PLEC: variants seen among roughly 807,000 people sequenced by gnomAD.
PLEC encodes the protein plectin.
PLEC carries 216 observed loss-of-function variants against 392.8 expected under a neutral mutation model. The ratio of observed to expected loss-of-function variants is 0.55; its 90% CI spans 0.49 to 0.62. The LOEUF is 0.62. Among genes scored for constraint, PLEC ranks in the 20% least tolerant of loss-of-function variants. PLEC has a pLI of 0.00. For synonymous variants in PLEC, 3,621 were observed against 2,980.6 expected (o/e 1.21, Z -7.00); for missense variants, 6,863 against 6,563.4 (o/e 1.05, Z -1.58).
intron 30 of PLEC, among the ~76,000 whole-genome samples, chr8:143,926,354 G>C (rs1554705268): frequency 2.0e-5 from 3 of 152,210 alleles, no homozygotes; most frequent in African/African-American, 7.2e-5. Context: ...AGCCAACTCG[G>C]AAGAGGATTC....
intron 1 of PLEC, chr8:143,944,636 C>G: frequency 7.5e-7 from 1 of 1,340,656 alleles, no homozygotes; most frequent in Non-Finnish European, 9.7e-7. Flanking sequence ...CTTTCAAGGG[C>G]TGCCCACCTA....
In PLEC at chr8:143,939,417, G is replaced by C. The variant is rs573469923; in HGVS notation, c.45C>G (p.Gly15=). 5.6e-6 allele frequency: 9 copies of C among 1,612,678 alleles called. No homozygotes were observed. The highest frequency in any genetic ancestry group is 1.7e-4 in the Middle Eastern group (1 of 6,036). ...TGTCCTCCGAGCTGGTTCTCTTTCG[G>C]CCCAGGCCCTCGGGCTGCGGCACGC... The part of the protein sequence containing the change: ...QLRVPQPEGL[G]RKRTSSEDNL... Residue 15 remains glycine, a synonymous_variant, in exon 1 of 32, where the codon GGC becomes GGG. Transcript: ENST00000345136.
At chr8:143,942,604 A>C, upstream of PLEC, 1 of 1,425,558 alleles carries the variant, frequency 7.0e-7, no homozygotes, top group Non-Finnish European at 9.2e-7. Context: ...CCACGCTGCG[A>C]GGCTGCCGGC....
At chr8:143,946,464 G>C (rs1038386373) in intron 1 of PLEC, 2 of 1,128,366 alleles carry the variant, frequency 1.8e-6, no homozygotes, top group Non-Finnish European at 2.4e-6. Flanking sequence ...GGGAAGGGGT[G>C]GGAGGCAGAG....
Position 143,920,286 on chromosome 8 carries a change from T to C in PLEC, c.9535A>G (p.Lys3179Glu), listed in dbSNP as rs1215910282. Residue 3179 changes from lysine to glutamate, a missense_variant, in exon 32 of 32, where the codon AAG becomes GAG. Coordinates refer to ENST00000345136, the MANE Select transcript of PLEC (RefSeq NM_201384.3). ...CCTGTGCTGGGGTCACTGTAGGCCTTGGCGTCGGCCCTTGGTGCCGACAGG... is the reference window on the plus strand; with the variant it reads ...CCTGTGCTGGGGTCACTGTAGGCCTCGGCGTCGGCCCTTGGTGCCGACAGG... ...RALSAPRADAKAYSDPSTGEP... is the reference protein window; with the variant it reads ...RALSAPRADAEAYSDPSTGEP... 1 of 1,592,620 alleles carries C rather than the reference T, an allele frequency of 6.3e-7. No individual in the cohort carries two copies. The highest frequency in any genetic ancestry group is 8.5e-7 in the Non-Finnish European group (1 of 1,175,572).
At position 143,922,664 on chromosome 8, in the gene PLEC, A is replaced by G. The variant is rs1823262079; in HGVS notation, c.7265T>C (p.Leu2422Pro). The G allele has an allele frequency of 7.4e-6, 12 of 1,613,224 alleles. No individual in the cohort carries two copies. Among genetic ancestry groups the G allele is most frequent in the Non-Finnish European group, 1.0e-5 (12 of 1,179,896 alleles). Residue 2422 changes from leucine to proline, a missense_variant, in exon 31 of 32, where the codon CTC becomes CCC. Leu to Pro is a moderately conservative substitution (Grantham distance 98). Coordinates refer to ENST00000345136, the MANE Select transcript of PLEC (RefSeq NM_201384.3). ...CAGGGTCACCTTCTCCTGGGTGGCG[A>G]GCTCCGTGCGGTGCAGCTTCTCACC... Reference protein sequence around the residue: ...EIGEKLHRTELATQEKVTLVQ... With the variant: ...EIGEKLHRTEPATQEKVTLVQ...
In PLEC at chr8:143,946,154, GAGGTCCGGAC is replaced by G. The variant is rs574253607; in HGVS notation, c.523+4020_523+4029del. Among the ~76,000 whole-genome samples the G allele has an allele frequency of 2.1e-4, 32 of 152,346 alleles. No individual in the cohort carries two copies. The South Asian group carries it at 6.4e-3, about 31-fold the overall frequency. On this transcript the variant is annotated intron_variant, in intron 1 of 31. Coordinates refer to the PLEC transcript ENST00000322810. Reference sequence around the variant, plus strand: ...CGGGCAGTTCTTCTACCACTCCACGGAGGTCCGGACAGGCCTGTGCTTCCGGGACACACAT... The same window carrying G: ...CGGGCAGTTCTTCTACCACTCCACGGAGGCCTGTGCTTCCGGGACACACAT...
At chr8:143,928,967 G>C in intron 25 of PLEC, 136 bp downstream of exon 25, 1 of 782,472 alleles carries the variant, frequency 1.3e-6, no homozygotes, top group Non-Finnish European at 2.1e-6. Flanking sequence ...CACCCCAGCT[G>C]GGCCTCCCGC....
At chr8:143,952,208 A>ACACACACACG (rs1167020542), upstream of PLEC, among the ~76,000 whole-genome samples, 32 of 130,888 alleles carry the variant, frequency 2.4e-4, 1 homozygote, top group Admixed American at 1.9e-3. Flanking sequence ...ACACACACAC[A>ACACACACACG]CGCGCGCACA....
At position 143,917,103 on chromosome 8, in the gene PLEC, C is replaced by T. The variant is rs201688261; in HGVS notation, c.12718G>A (p.Ala4240Thr). 862 of 1,605,472 alleles carry T rather than the reference C, an allele frequency of 5.4e-4. 1 individual carries two copies. The highest frequency in any genetic ancestry group is 6.4e-4 in the Non-Finnish European group (749 of 1,173,536). Reference protein sequence around the residue: ...TEFADMLSGNAGGFRSRSSSV... With the variant: ...TEFADMLSGNTGGFRSRSSSV... ...GAGGAACGGGAGCGGAAACCACCGG[C>T]GTTGCCCGAGAGCATGTCGGCGAAC... Residue 4240 changes from alanine (A) to threonine (T), a missense_variant, in exon 32 of 32, where the codon GCC (alanine) becomes ACC (threonine). Ala to Thr is a moderately conservative substitution (Grantham distance 58, BLOSUM62 0). Coordinates refer to ENST00000345136, the MANE Select transcript of PLEC (RefSeq NM_201384.3).
At chr8:143,953,131 A>C (rs1832368689), upstream of PLEC, among the ~76,000 whole-genome samples, 2 of 148,170 alleles carry the variant, frequency 1.3e-5, no homozygotes, top group African/African-American at 5.0e-5. Context: ...GTGGGAACCG[A>C]AGCGGGAGCT....
rs1322030693 is a variant in PLEC, at chr8:143,917,572, G to A, written c.12249C>T (p.Pro4083=). ...CAAAGAAGCCCTTGGTGTCGTCCGA[G>A]GGGTCGGTCAGGATCTCGTTCATCT... ...DEEMNEILTD[P]SDDTKGFFDP... Residue 4083 remains proline (P), a synonymous_variant, in exon 32 of 32, where the codon CCC becomes CCT. Transcript: ENST00000345136. 2 of 1,613,992 alleles carry A rather than the reference G, an allele frequency of 1.2e-6. No individual in the cohort carries two copies. Among genetic ancestry groups the A allele is most frequent in the South Asian group, 2.2e-5 (2 of 91,084 alleles).
intron 16 of PLEC, 59 bp downstream of exon 16, chr8:143,932,341 G>T: frequency 6.2e-7 from 1 of 1,609,472 alleles, no homozygotes; most frequent in Non-Finnish European, 8.5e-7. Flanking sequence ...CATAGGGGAC[G>T]GCCAGGGCAC....
Position 143,924,451 on chromosome 8 carries a change from C to T in PLEC, c.5478G>A (p.Arg1826=), listed in dbSNP as rs560921215. ...QRQLAEEDAA[R]QRAEAERVLA... is the part of the protein sequence containing the mutation. The stretch of plus-strand genomic sequence containing the variant: ...GCACCCGCTCCGCCTCGGCCCGCTG[C>T]CGCGCCGCGTCTTCCTCGGCCAGCT... Residue 1826 remains arginine (R), a synonymous_variant, in exon 31 of 32, where the codon CGG becomes CGA. Transcript: ENST00000345136. 14 of 1,557,512 alleles carry T rather than the reference C, an allele frequency of 9.0e-6. No individual in the cohort carries two copies. In the South Asian group the frequency reaches 9.3e-5, roughly 10 times the overall value.
rs1436484270 is a variant in PLEC, at chr8:143,916,321, G to A, written c.13500C>T (p.Gly4500=). ...TGGCGTCAAAGCTGCCGCGGCGGGA[G>A]CCGGCCCGGGAGCCGGTGCGCGAGC... ...RTGSRTGSRA[G]SRRGSFDATG... The change falls in exon 32 of 32, where the codon GGC becomes GGT. Residue 4500 remains glycine (G), a synonymous_variant. Coordinates refer to ENST00000345136, the MANE Select transcript of PLEC (RefSeq NM_201384.3). 3 of 1,586,342 alleles carry A rather than the reference G, an allele frequency of 1.9e-6. No individual in the cohort carries two copies. The highest frequency in any genetic ancestry group is 2.6e-6 in the Non-Finnish European group (3 of 1,169,004).
At chr8:143,962,775 A>G (rs1832927416) in intron 1 of PLEC, among the ~76,000 whole-genome samples, 1 of 152,242 alleles carries the variant, frequency 6.6e-6, no homozygotes, top group Non-Finnish European at 1.5e-5. Flanking sequence ...TTTAGCTGAA[A>G]AGATTTCCAA....
rs782531607 is a variant in PLEC, at chr8:143,925,058, C to T, written c.4871G>A (p.Arg1624His). The change falls in exon 31 of 32, where the codon CGC (arginine) becomes CAC (histidine). Residue 1624 changes from arginine to histidine, a missense_variant. Transcript: ENST00000345136. ...AQQQAEAERA[R>H]EEAERELERW... is the part of the protein sequence containing the mutation. ...CTCCAGCTCCCGCTCTGCCTCCTCGCGCGCCCGCTCGGCCTCGGCCTGCTG... is the reference window on the plus strand; with the variant it reads ...CTCCAGCTCCCGCTCTGCCTCCTCGTGCGCCCGCTCGGCCTCGGCCTGCTG... 1.9e-5 allele frequency: 29 copies of T among 1,542,224 alleles called. No individual in the cohort carries two copies. Among genetic ancestry groups the T allele is most frequent in the Middle Eastern group, 1.8e-4 (1 of 5,692 alleles).
Position 143,927,526 on chromosome 8 carries a change from C to G in PLEC, c.3640G>C (p.Glu1214Gln). The G allele has an allele frequency of 6.3e-7, 1 of 1,597,364 alleles. No homozygotes were observed. Among genetic ancestry groups the G allele is most frequent in the African/African-American group, 1.3e-5 (1 of 75,030 alleles). ...QLGRQLRYYRESADPLGAWLQ... is the reference protein window; with the variant it reads ...QLGRQLRYYRQSADPLGAWLQ... ...CAGGCGCCCAAGGGGTCTGCACTCT[C>G]GCGGTAGTAACGCAGCTGGCGGCCC... The change falls in exon 27 of 32, where the codon GAG becomes CAG. Residue 1214 changes from glutamate to glutamine, a missense_variant. Glu to Gln is a conservative substitution (Grantham distance 29). Transcript: ENST00000345136.
chr8:143,964,991 A>ACCCCCCCC (rs1564229661), intron 1 of PLEC, among the ~76,000 whole-genome samples: 1 of 63,076 alleles, frequency 1.6e-5, no homozygotes, highest in Non-Finnish European at 3.2e-5. Context: ...CCCCCAACCA[A>ACCCCCCCC]CCCCCACCCC....
Sources: allele counts gnomAD v4.1 joint callset (sites outside exome capture counted in the v4.1 genomes callset), GRCh38; gene constraint gnomAD v4.1.1; transcripts MANE v1.5; gene names NCBI Gene and HGNC (gene_info 2026-07-23, HGNC 2026-07-21).